The following MAP2K5 variants were observed in gnomAD, a reference collection of about 807,000 sequenced individuals.
MAP2K5 encodes the protein dual specificity mitogen-activated protein kinase kinase 5.
In MAP2K5, 49 loss-of-function variants were observed where a neutral mutation model predicts 83.1. The observed-to-expected ratio is 0.59, with a 90% CI of 0.47 to 0.75. The LOEUF is 0.75. Among genes scored for constraint, MAP2K5 ranks in the 30% least tolerant of loss-of-function variants. The pLI, the probability that MAP2K5 is intolerant of heterozygous loss-of-function variation, is 0.00. For missense variants in MAP2K5, 457 were observed against 557.5 expected (o/e 0.82, Z 1.82); for synonymous variants, 202 against 191.8 (o/e 1.05, Z -0.44).
intron 19 of MAP2K5, among the ~76,000 whole-genome samples, chr15:67,753,605 A>G (rs933222634): frequency 2.0e-5 from 3 of 152,202 alleles, no homozygotes; most frequent in Non-Finnish European, 4.4e-5. Flanking sequence ...TCAACAATTA[A>G]TTAAGGAAAT....
At chr15:67,759,457 G>A (rs750759677) in intron 19 of MAP2K5, among the ~76,000 whole-genome samples, 24 of 151,926 alleles carry the variant, frequency 1.6e-4, no homozygotes, top group Admixed American at 4.6e-4. Context: ...CTACTCAGGA[G>A]GCTGAGGTGG....
intron 21 of MAP2K5, among the ~76,000 whole-genome samples, chr15:67,792,027 G>A (rs1310446281): frequency 2.0e-5 from 3 of 152,190 alleles, no homozygotes; most frequent in Non-Finnish European, 4.4e-5. Flanking sequence ...CAGAGGAGGG[G>A]CAGGGCCAGG....
In MAP2K5 at chr15:67,806,847, G is replaced by T. The variant is rs766637903; in HGVS notation, c.*97G>T. On this transcript the variant is annotated 3_prime_UTR_variant, in exon 22 of 22. Transcript: ENST00000178640. ...ATGCTGCCTGCGCCAGAAGAGCTTTGCTGGGCCCTGGCTTCCCTGCCCTCG... is the reference window on the plus strand; with the variant it reads ...ATGCTGCCTGCGCCAGAAGAGCTTTTCTGGGCCCTGGCTTCCCTGCCCTCG... The T allele has an allele frequency of 6.3e-5, 100 of 1,596,788 alleles. No homozygotes were observed. Among genetic ancestry groups the T allele is most frequent in the Admixed American group, 1.8e-4 (11 of 59,926 alleles).
intron 8 of MAP2K5, among the ~76,000 whole-genome samples, chr15:67,622,845 T>C (rs530190384): frequency 2.0e-4 from 30 of 152,332 alleles, no homozygotes; most frequent in African/African-American, 6.7e-4. Flanking sequence ...ACGCCTGTAA[T>C]CCCAGCACTT....
intron 2 of MAP2K5, among the ~76,000 whole-genome samples, chr15:67,553,905 G>C: frequency 9.0e-6 from 1 of 111,576 alleles, no homozygotes; most frequent in Non-Finnish European, 1.7e-5. Flanking sequence ...GGGCGACAGA[G>C]CGAGACTCCA....
chr15:67,701,227 G>A (rs1596819215), intron 15 of MAP2K5, among the ~76,000 whole-genome samples: 1 of 152,160 alleles, frequency 6.6e-6, no homozygotes, highest in East Asian at 1.9e-4. Flanking sequence ...GGATTTTCAT[G>A]TTTGTTAGAA....
intron 4 of MAP2K5, among the ~76,000 whole-genome samples, chr15:67,582,616 T>G (rs1050401260): frequency 3.3e-5 from 5 of 152,052 alleles, no homozygotes; most frequent in African/African-American, 1.2e-4. Flanking sequence ...GCTCAAGAGT[T>G]TGAGACCAGC....
Position 67,649,258 on chromosome 15 carries a change from G to T in MAP2K5, c.736+2789G>T, listed in dbSNP as rs116739553. Among the ~76,000 whole-genome samples, 800 of 152,212 alleles carry T rather than the reference G, an allele frequency of 5.3e-3. 4 individuals carry two copies. Among genetic ancestry groups the T allele is most frequent in the African/African-American group, 0.016 (683 of 41,538 alleles). Reference sequence around the variant, plus strand: ...GTTATTGGGCTTTTATTGTTGAGTTGTGAGAATTCTTTATGTATTCTAATA... The same window carrying T: ...GTTATTGGGCTTTTATTGTTGAGTTTTGAGAATTCTTTATGTATTCTAATA... On this transcript the variant is annotated intron_variant, in intron 11 of 21. Coordinates refer to ENST00000178640, the MANE Select transcript of MAP2K5 (RefSeq NM_145160.3).
intron 15 of MAP2K5, among the ~76,000 whole-genome samples, chr15:67,694,947 A>G (rs1250660095): frequency 1.3e-5 from 2 of 152,158 alleles, no homozygotes; most frequent in Non-Finnish European, 2.9e-5. Context: ...TGATGAGTTC[A>G]TGTCCTTTGT....
chr15:67,743,396 G>T (rs998606114), intron 17 of MAP2K5, among the ~76,000 whole-genome samples: 2 of 152,210 alleles, frequency 1.3e-5, no homozygotes, highest in African/African-American at 4.8e-5. Flanking sequence ...AGGGGAGATA[G>T]GATTGCACAA....
At chr15:67,618,190 T>C (rs1375120612) in intron 8 of MAP2K5, among the ~76,000 whole-genome samples, 1 of 152,248 alleles carries the variant, frequency 6.6e-6, no homozygotes, top group Admixed American at 6.5e-5. Context: ...AGTATTGCTT[T>C]TGAAATCAGT....
At chr15:67,727,803 T>C (rs1254664057) in intron 16 of MAP2K5, 113 bp from the exon 17 acceptor site, 1 of 809,836 alleles carries the variant, frequency 1.2e-6, no homozygotes, top group African/African-American at 1.7e-5. Context: ...TTCAAGGTTG[T>C]GAACTTTTTT....
chr15:67,658,540 T>A lies in MAP2K5; in HGVS notation c.737-13T>A. 1 of 1,607,704 alleles carries A rather than the reference T, an allele frequency of 6.2e-7. No individual in the cohort carries two copies. ...ATTTCATTTGTAGTAACATGGCATG[T>A]TTATCTCTACAGGGGGATCTTTGGA... On this transcript the variant is annotated splice_polypyrimidine_tract_variant and intron_variant, in intron 11 of 21. Coordinates refer to ENST00000178640, the MANE Select transcript of MAP2K5 (RefSeq NM_145160.3).
intron 7 of MAP2K5, among the ~76,000 whole-genome samples, chr15:67,600,428 C>T (rs3865018): frequency 0.25 from 38,170 of 152,094 alleles, 5,401 homozygotes; most frequent in East Asian, 0.5. Flanking sequence ...TATGTTGTAT[C>T]ATTCCATTTT....
rs1173601303 is a variant in MAP2K5 at position 67,565,041 on chromosome 15, A to G, written c.252+1691A>G. 1.3e-5 allele frequency among the ~76,000 whole-genome samples: 2 copies of G among 152,218 alleles called. No homozygotes were observed. Among genetic ancestry groups the G allele is most frequent in the Non-Finnish European group, 2.9e-5 (2 of 68,044 alleles). On this transcript the variant is annotated intron_variant, in intron 3 of 21. Transcript: ENST00000178640. The surrounding 1 kb of genome is among the most constrained non-coding windows in gnomAD (Gnocchi z 4.1). ...ATAATCACTCTGTAAGACAGATATT[A>G]TCATCCTTATTTTTTAGATGAGGAA...
At chr15:67,631,074 A>T in intron 9 of MAP2K5, 147 bp downstream of exon 9, 2 of 620,830 alleles carry the variant, frequency 3.2e-6, no homozygotes, top group South Asian at 4.3e-5. Flanking sequence ...CTCTGGTGAC[A>T]TTCAGACACC....
rs2084734933 is a variant in MAP2K5, at chr15:67,561,431, C to T, written c.185-1852C>T. Among the ~76,000 whole-genome samples the T allele has an allele frequency of 6.6e-6, 1 of 152,194 alleles. No homozygotes were observed. Among genetic ancestry groups the T allele is most frequent in the South Asian group, 2.1e-4 (1 of 4,836 alleles). ...CTATATCTAAAGCGAATGAAAGAAT[C>T]TTTATGTGTGTAACATCTCTCAGGA... On this transcript the variant is annotated intron_variant, in intron 2 of 21. Coordinates refer to ENST00000178640, the MANE Select transcript of MAP2K5 (RefSeq NM_145160.3). The surrounding 1 kb of genome is among the most constrained non-coding windows in gnomAD (Gnocchi z 4.2).
chr15:67,658,403 A>T (rs559659340), intron 11 of MAP2K5, 150 bp from the exon 12 acceptor site: 1 of 601,566 alleles, frequency 1.7e-6, no homozygotes, highest in Non-Finnish European at 3.0e-6. Flanking sequence ...TATGTTTTAG[A>T]TAACATTGGA....
At position 67,642,088 on chromosome 15, in the gene MAP2K5, C is replaced by T. The variant is rs992850747; in HGVS notation, c.586-4143C>T. On this transcript the variant is annotated intron_variant, in intron 9 of 21. Transcript: ENST00000178640. ...AAGCAAATACCAACAATGATCAAAA[C>T]GAATTAGAGTACAGCAGATTAGCTC... is the stretch of plus-strand genomic sequence containing the variant. Among the ~76,000 whole-genome samples, 5 of 152,314 alleles carry T rather than the reference C, an allele frequency of 3.3e-5. No individual in the cohort carries two copies. In the East Asian group the frequency reaches 5.8e-4, roughly 18 times the overall value.
Sources: allele counts gnomAD v4.1 joint callset (sites outside exome capture counted in the v4.1 genomes callset), GRCh38; gene constraint gnomAD v4.1.1; non-coding constraint Gnocchi (gnomAD v3.1); transcripts MANE v1.5; gene names NCBI Gene and HGNC (gene_info 2026-07-23, HGNC 2026-07-21).